EDEM1: variants seen among roughly 807,000 people sequenced by gnomAD.
The protein encoded by EDEM1 is ER degradation-enhancing alpha-mannosidase-like protein 1.
In EDEM1, 67 loss-of-function variants were observed where a neutral mutation model predicts 74.4. The ratio of observed to expected loss-of-function variants is 0.90; its 90% CI spans 0.74 to 1.10. The LOEUF is 1.10. Among genes scored for constraint, EDEM1 ranks in the 50% least tolerant of loss-of-function variants. EDEM1 has a pLI of 0.00. For missense variants in EDEM1, 926 were observed against 851.6 expected, an observed-to-expected ratio of 1.09 and a Z score of -1.09; for synonymous variants, 382 against 335.9, an observed-to-expected ratio of 1.14 and a Z score of -1.50.
Position 5,208,136 on chromosome 3 carries a change from T to C in EDEM1, c.1382T>C (p.Phe461Ser). The C allele has an allele frequency of 6.2e-7, 1 of 1,609,608 alleles. No individual in the cohort carries two copies. ...DVEDAICLHAFYYAIWKRYGA... is the reference protein window; with the variant it reads ...DVEDAICLHASYYAIWKRYGA... The stretch of plus-strand genomic sequence containing the variant: ...GAAGATGCCATCTGCCTTCATGCCT[T>C]CTACTATGCCATATGGAAACGATAT... The change falls in exon 8 of 12, where the codon TTC (phenylalanine) becomes TCC (serine). Residue 461 changes from phenylalanine to serine, a missense_variant. Transcript: ENST00000256497.
At chr3:5,215,454 T>C (rs532361508) in intron 11 of EDEM1, among the ~76,000 whole-genome samples, 5 of 152,344 alleles carry the variant, frequency 3.3e-5, no homozygotes, top group South Asian at 2.1e-4. Flanking sequence ...TGGCTTTCAG[T>C]CCTGGCCACG....
intron 6 of EDEM1, among the ~76,000 whole-genome samples, chr3:5,206,431 C>T (rs1463846289): frequency 1.3e-5 from 2 of 152,126 alleles, no homozygotes; most frequent in African/African-American, 4.8e-5. Flanking sequence ...TGGTCTCAAA[C>T]TCCTGACCTC....
At position 5,216,190 on chromosome 3, in the gene EDEM1, G is replaced by T. The variant is rs1424039099; in HGVS notation, c.*272G>T. The T allele has an allele frequency of 9.1e-6, 4 of 439,306 alleles. No individual in the cohort carries two copies. Among genetic ancestry groups the T allele is most frequent in the Non-Finnish European group, 1.6e-5 (4 of 251,492 alleles). 27.2% of individuals were successfully genotyped at this position (439,306 alleles called of 1,614,324 possible). On this transcript the variant is annotated 3_prime_UTR_variant, in exon 12 of 12. Transcript: ENST00000256497. ...ACATGTTGATGTTATAAGCACAATA[G>T]ATGGGGCATCTTTGGATTGATGTTC... is the stretch of plus-strand genomic sequence containing the variant.
At chr3:5,214,602 A>G (rs1440849988) in intron 11 of EDEM1, among the ~76,000 whole-genome samples, 1 of 152,100 alleles carries the variant, frequency 6.6e-6, no homozygotes, top group Non-Finnish European at 1.5e-5. Flanking sequence ...ACCATTCTAA[A>G]CGCTTACGTA....
chr3:5,200,966 G>A (rs1401244379), intron 3 of EDEM1, among the ~76,000 whole-genome samples: 2 of 148,964 alleles, frequency 1.3e-5, no homozygotes, highest in African/African-American at 5.0e-5. Flanking sequence ...GTGCTATCAC[G>A]GCTCACTGCA....
chr3:5,193,849 C>T (rs1007568988), intron 1 of EDEM1, among the ~76,000 whole-genome samples: 2 of 152,224 alleles, frequency 1.3e-5, no homozygotes, highest in African/African-American at 4.8e-5. Context: ...CCACCCACCT[C>T]GGCCTCCCAA....
intron 1 of EDEM1, among the ~76,000 whole-genome samples, chr3:5,189,999 TGG>T (rs11353549): frequency 6.7e-5 from 10 of 149,524 alleles, no homozygotes; most frequent in African/African-American, 1.0e-4. Flanking sequence ...GTTTTTTTTT[TGG>T]GGGGGGGGAT....
chr3:5,208,089 T>G lies in EDEM1; in HGVS notation c.1339-4T>G. 1 of 1,598,688 alleles carries G rather than the reference T, an allele frequency of 6.3e-7. No individual in the cohort carries two copies. Among genetic ancestry groups the G allele is most frequent in the Non-Finnish European group, 8.5e-7 (1 of 1,175,080 alleles). On this transcript the variant is annotated splice_polypyrimidine_tract_variant and splice_region_variant and intron_variant, in intron 7 of 11. Coordinates refer to ENST00000256497, the MANE Select transcript of EDEM1 (RefSeq NM_014674.3). ...CAGCCTGATGACCTGTGTCCTCTCC[T>G]TAGGTGCTGATAGGAGATGTGGAAG...
Position 5,188,056 on chromosome 3 carries a change from G to A in EDEM1, c.251G>A (p.Arg84His). Residue 84 changes from arginine (R) to histidine (H), a missense_variant, in exon 1 of 12, where the codon CGC (arginine) becomes CAC (histidine). Coordinates refer to ENST00000256497, the MANE Select transcript of EDEM1 (RefSeq NM_014674.3). The stretch of plus-strand genomic sequence containing the variant: ...GGGACCGGGGCAGCGCAGAGCCCGC[G>A]CAAGGCTCCGCGGCGTCCTGGGCCG... Reference protein sequence around the residue: ...PPGTGAAQSPRKAPRRPGPGM... With the variant: ...PPGTGAAQSPHKAPRRPGPGM... 5 of 1,435,262 alleles carry A rather than the reference G, an allele frequency of 3.5e-6. No individual in the cohort carries two copies. Among genetic ancestry groups the A allele is most frequent in the Non-Finnish European group, 4.6e-6 (5 of 1,096,410 alleles). 88.9% of individuals were successfully genotyped at this position (1,435,262 alleles called of 1,614,324 possible).
At chr3:5,211,073 AG>A in intron 9 of EDEM1, 46 bp from the exon 10 acceptor site, 1 of 1,535,888 alleles carries the variant, frequency 6.5e-7, no homozygotes. Context: ...GTGAATCAGC[AG>A]GTGGGAAGGA....
At chr3:5,188,515 C>G (rs749399175) in intron 1 of EDEM1, 2 of 469,274 alleles carry the variant, frequency 4.3e-6, no homozygotes, top group African/African-American at 2.0e-5. Context: ...GGTGGCCTTC[C>G]TCTCCTGATT....
intron 6 of EDEM1, among the ~76,000 whole-genome samples, chr3:5,206,595 G>A (rs2055100040): frequency 1.3e-5 from 2 of 152,052 alleles, no homozygotes; most frequent in South Asian, 4.2e-4. Context: ...GATTTTCTTG[G>A]GTCCATTTCT....
intron 2 of EDEM1, among the ~76,000 whole-genome samples, chr3:5,196,904 A>G (rs17030846): frequency 0.015 from 2,275 of 150,714 alleles, 68 homozygotes; most frequent in African/African-American, 0.053. Flanking sequence ...GAGCTTTGTC[A>G]TCGTCGTCGT....
chr3:5,210,194 A>G lies in EDEM1; in HGVS notation c.1529A>G (p.Tyr510Cys), dbSNP rs938189542. ...CTCTAGGCAACCAAGAATCCCTTCT[A>G]CCTCCATGTAGGAATGGATATTCTG... ...LLYQATKNPF[Y>C]LHVGMDILQS... The change falls in exon 9 of 12, where the codon TAC (tyrosine) becomes TGC (cysteine). Residue 510 changes from tyrosine (Y) to cysteine (C), a missense_variant. Coordinates refer to ENST00000256497, the MANE Select transcript of EDEM1 (RefSeq NM_014674.3). 2 of 1,614,202 alleles carry G rather than the reference A, an allele frequency of 1.2e-6. No homozygotes were observed. The highest frequency in any genetic ancestry group is 8.5e-7 in the Non-Finnish European group (1 of 1,180,018).
chr3:5,207,177 AG>A lies in EDEM1; in HGVS notation c.1244del (p.Gly415GlufsTer9), dbSNP rs766480681. On this transcript the variant is annotated frameshift_variant, in exon 7 of 12. Transcript: ENST00000256497. LOFTEE classifies it high-confidence loss of function. ...GGCGGGAAGCCTGCAATGAAGGAGA[AG>A]GAGACCCTCCACTCTATGTCAACGT... Reference protein sequence around the residue: ...RGREACNEGEGDPPLYVNVNM... With the variant: ...RGREACNEGEXDPPLYVNVNM... 3 of 1,614,152 alleles carry A rather than the reference AG, an allele frequency of 1.9e-6. No individual in the cohort carries two copies. The highest frequency in any genetic ancestry group is 2.5e-6 in the Non-Finnish European group (3 of 1,180,008).
At chr3:5,214,819 C>T (rs562606948) in intron 11 of EDEM1, among the ~76,000 whole-genome samples, 33 of 152,314 alleles carry the variant, frequency 2.2e-4, no homozygotes, top group African/African-American at 7.7e-4. Flanking sequence ...TGATTCCAGG[C>T]ACCAGGGATT....
chr3:5,212,815 C>T (rs974360542), intron 10 of EDEM1, among the ~76,000 whole-genome samples: 1 of 152,350 alleles, frequency 6.6e-6, no homozygotes, highest in African/African-American at 2.4e-5. Flanking sequence ...CTTCAGAGCC[C>T]AACCCTTGTT....
intron 2 of EDEM1, among the ~76,000 whole-genome samples, chr3:5,196,481 C>CAG (rs951490149): frequency 6.6e-6 from 1 of 151,672 alleles, no homozygotes; most frequent in Non-Finnish European, 1.5e-5. Context: ...CACACACACA[C>CAG]ACAAGAATTG....
chr3:5,187,765 C>T lies in EDEM1; in HGVS notation c.-41C>T, dbSNP rs1028830335. On this transcript the variant is annotated 5_prime_UTR_variant, in exon 1 of 12. Coordinates refer to ENST00000256497, the MANE Select transcript of EDEM1 (RefSeq NM_014674.3). ...CGGGGTGCGGTGGTCGGCGGGGAGG[C>T]CCCCGCGCTTTAAAATAATGCCCGC... 4.0e-6 allele frequency: 6 copies of T among 1,498,338 alleles called. No homozygotes were observed. Among genetic ancestry groups the T allele is most frequent in the Admixed American group, 2.1e-5 (1 of 47,002 alleles). The allele number at this position is 1,498,338 out of a possible 1,614,324, so 92.8% of individuals were successfully genotyped here. A position where few individuals can be genotyped will look rare whatever the true frequency, so the allele number is the denominator to read the frequency against.
Sources: gnomAD v4.1 joint callset for allele counts (sites outside exome capture counted in the v4.1 genomes callset) on GRCh38, gnomAD v4.1.1 for gene constraint, MANE v1.5 for transcripts, NCBI Gene and HGNC (gene_info 2026-07-23, HGNC 2026-07-21) for gene names.